ASPHD2: variants seen among roughly 807,000 people sequenced by gnomAD.
ASPHD2 encodes the protein aspartate beta-hydroxylase domain-containing protein 2.
Under a neutral mutation model 34.6 loss-of-function variants are expected in ASPHD2, and 12 were observed. That is an observed-to-expected ratio of 0.35 (90% CI 0.22 to 0.56). ASPHD2 has a LOEUF of 0.56. Among genes scored for constraint, ASPHD2 ranks in the 20% least tolerant of loss-of-function variants. ASPHD2 has a pLI of 0.87. For synonymous variants in ASPHD2, 224 were observed against 212.2 expected (o/e 1.06, Z -0.48); for missense variants, 375 against 505.0 (o/e 0.74, Z 2.47).
intron 2 of ASPHD2, among the ~76,000 whole-genome samples, chr22:26,438,610 T>TAC (rs1480681983): frequency 8.7e-4 from 41 of 46,986 alleles, no homozygotes; most frequent in South Asian, 2.4e-3. Flanking sequence ...CATATATACA[T>TAC]ATATATATAC....
chr22:26,436,841 CAT>C lies in ASPHD2; in HGVS notation c.886+2341_886+2342del, dbSNP rs764642195. On this transcript the variant is annotated intron_variant, in intron 2 of 3. Transcript: ENST00000215906. Reference sequence around the variant, plus strand: ...GTTGTTCATCTGTATGATATGCATGCATGTGTGTGTGTGTGTGTGTGTGTGTA... The same window carrying C: ...GTTGTTCATCTGTATGATATGCATGCGTGTGTGTGTGTGTGTGTGTGTGTA... Among the ~76,000 whole-genome samples the C allele has an allele frequency of 1.5e-3, 159 of 108,516 alleles. 1 individual carries two copies. Among genetic ancestry groups the C allele is most frequent in the Non-Finnish European group, 2.0e-3 (104 of 52,150 alleles). The allele number at this position is 108,516 out of a possible 152,430, so 71.2% of individuals were successfully genotyped here. A position where few individuals can be genotyped will look rare whatever the true frequency, so the allele number is the denominator to read the frequency against.
chr22:26,430,780 A>C (rs138954683), intron 1 of ASPHD2, among the ~76,000 whole-genome samples: 121 of 152,250 alleles, frequency 7.9e-4, no homozygotes, highest in Non-Finnish European at 1.6e-3. Context: ...AAAAGTCCTA[A>C]CTTGAGCTCT....
At chr22:26,442,701 C>T in intron 3 of ASPHD2, 129 bp downstream of exon 3, 1 of 647,812 alleles carries the variant, frequency 1.5e-6, no homozygotes, top group East Asian at 2.7e-5. Context: ...CCCCATAACA[C>T]ATATACACAC....
Position 26,442,516 on chromosome 22 carries a change from C to T in ASPHD2, c.944C>T (p.Ala315Val), listed in dbSNP as rs2084856588. 6.2e-7 allele frequency: 1 copy of T among 1,611,632 alleles called. No individual in the cohort carries two copies. Among genetic ancestry groups the T allele is most frequent in the Admixed American group, 1.7e-5 (1 of 59,638 alleles). The change falls in exon 3 of 4, where the codon GCA (alanine) becomes GTA (valine). Residue 315 changes from alanine to valine, a missense_variant. Ala to Val is a moderately conservative substitution (Grantham distance 64). Transcript: ENST00000215906. Reference sequence around the variant, plus strand: ...GTGGGGGGAGAGCCCCAGTGCTGGGCAGAAGGGCGCTGCCTTCTCTTTGAT... The same window carrying T: ...GTGGGGGGAGAGCCCCAGTGCTGGGTAGAAGGGCGCTGCCTTCTCTTTGAT... ...LVVGGEPQCW[A>V]EGRCLLFDDS...
In ASPHD2 at chr22:26,433,972, C is replaced by T. The variant is rs374382182; in HGVS notation, c.357C>T (p.Asn119=). ...QSPECVRCTH[N]EGLNQKLYHN... ...CTGAGTGCGTGCGCTGCACCCACAA[C>T]GAGGGCCTCAACCAGAAGCTGTACC... is the stretch of plus-strand genomic sequence containing the variant. The change falls in exon 2 of 4, where the codon AAC becomes AAT. Residue 119 remains asparagine, a synonymous_variant. Transcript: ENST00000215906. This position sits in a 1 kb window ranked among gnomAD's most constrained non-coding sequence, Gnocchi z 5.1. The T allele has an allele frequency of 2.4e-5, 38 of 1,613,264 alleles. No individual in the cohort carries two copies. Among genetic ancestry groups the T allele is most frequent in the East Asian group, 4.5e-5 (2 of 44,884 alleles).
chr22:26,442,391 C>T lies in ASPHD2; in HGVS notation c.887-68C>T, dbSNP rs998650794. ...CAAAAACTCTCAGTAAGGCAAATCA[C>T]CCCCTATCTCCTGGCCTTCCCTGAA... On this transcript the variant is annotated intron_variant, in intron 2 of 3. Transcript: ENST00000215906. 4 of 1,197,362 alleles carry T rather than the reference C, an allele frequency of 3.3e-6. No homozygotes were observed. In the Admixed American group the frequency reaches 6.9e-5, roughly 21 times the overall value. 74.2% of individuals were successfully genotyped at this position (1,197,362 alleles called of 1,614,324 possible). A position where few individuals can be genotyped will look rare whatever the true frequency, so the allele number is the denominator to read the frequency against.
rs759475606 is a variant in ASPHD2 at position 26,442,477 on chromosome 22, G to T, written c.905G>T (p.Gly302Val). 1 of 1,602,350 alleles carries T rather than the reference G, an allele frequency of 6.2e-7. No individual in the cohort carries two copies. ...CTACAAGGTCTGAAAACTCCAAATG[G>T]CTGTGAGCTGGTGGTGGGGGGAGAG... ...RCHLGLKTPN[G>V]CELVVGGEPQ... The change falls in exon 3 of 4, where the codon GGC becomes GTC. Residue 302 changes from glycine (G) to valine (V), a missense_variant. Gly to Val is a moderately radical substitution (Grantham distance 109). This residue lies in a region of ASPHD2 where 142 missense variants were observed against 217.9 expected (regional missense o/e 0.65). Transcript: ENST00000215906.
At chr22:26,432,008 C>G (rs2084759582) in intron 1 of ASPHD2, among the ~76,000 whole-genome samples, 1 of 152,156 alleles carries the variant, frequency 6.6e-6, no homozygotes. Context: ...CCAGCCTGAC[C>G]AACATGGAAA....
chr22:26,442,139 A>T (rs2084851168), intron 2 of ASPHD2, among the ~76,000 whole-genome samples: 1 of 151,314 alleles, frequency 6.6e-6, no homozygotes, highest in Non-Finnish European at 1.5e-5. Context: ...AAAGAAAAAA[A>T]GATGCAAAAG....
chr22:26,442,704 A>G (rs1440699896), intron 3 of ASPHD2, 132 bp downstream of exon 3: 4 of 644,838 alleles, frequency 6.2e-6, no homozygotes, highest in African/African-American at 5.5e-5. Context: ...CATAACACAT[A>G]TACACACACA....
chr22:26,435,499 G>A (rs926287530), intron 2 of ASPHD2, among the ~76,000 whole-genome samples: 32 of 152,164 alleles, frequency 2.1e-4, no homozygotes, highest in African/African-American at 7.5e-4. Context: ...AGCTTCAGTA[G>A]GGAGGAAGGA....
intron 2 of ASPHD2, among the ~76,000 whole-genome samples, chr22:26,439,599 T>C (rs541975141): frequency 6.6e-4 from 101 of 152,262 alleles, no homozygotes; most frequent in Admixed American, 1.6e-3. Flanking sequence ...ATCTGGAAAG[T>C]GGGTGAAGTG....
chr22:26,435,737 AAAGAAAAGAAAAGAAAAGAAAAG>A (rs1214585466), intron 2 of ASPHD2, among the ~76,000 whole-genome samples: 10 of 151,086 alleles, frequency 6.6e-5, no homozygotes, highest in African/African-American at 1.2e-4. Context: ...AAAGAAAAGA[AAAGAAAAGAAAAGAAAAGAAAAG>A]AAAAATATAA....
chr22:26,430,807 C>A (rs959761712), intron 1 of ASPHD2, among the ~76,000 whole-genome samples: 4 of 152,170 alleles, frequency 2.6e-5, no homozygotes, highest in Admixed American at 6.5e-5. Context: ...TATTTATGAT[C>A]TCGGGAGGAG....
At chr22:26,439,025 C>A (rs890497095) in intron 2 of ASPHD2, among the ~76,000 whole-genome samples, 8 of 152,160 alleles carry the variant, frequency 5.3e-5, no homozygotes, top group Non-Finnish European at 1.0e-4. Context: ...CATAGACACA[C>A]CCAGGATTAA....
chr22:26,440,788 G>A (rs925464051), intron 2 of ASPHD2, among the ~76,000 whole-genome samples: 1 of 151,644 alleles, frequency 6.6e-6, no homozygotes, highest in African/African-American at 2.4e-5. Flanking sequence ...AACCCAAGGA[G>A]GAGAACACTG....
intron 1 of ASPHD2, among the ~76,000 whole-genome samples, chr22:26,430,066 G>A (rs983247428): frequency 1.3e-5 from 2 of 152,190 alleles, no homozygotes; most frequent in Non-Finnish European, 2.9e-5. Context: ...GCAGGTGGGT[G>A]CTGAGAAGCT....
chr22:26,443,463 C>G lies in ASPHD2; in HGVS notation c.*257C>G. 1 of 430,428 alleles carries G rather than the reference C, an allele frequency of 2.3e-6. No individual in the cohort carries two copies. The highest frequency in any genetic ancestry group is 2.3e-5 in the South Asian group (1 of 42,570). The allele number at this position is 430,428 out of a possible 1,614,324, so 26.7% of individuals were successfully genotyped here. A position where few individuals can be genotyped will look rare whatever the true frequency, so the allele number is the denominator to read the frequency against. Reference sequence around the variant, plus strand: ...CTTCAGAGACTCCTTTCTGGCCTAACAGCGCATTCCTTTGATTGGTCCTTG... The same window carrying G: ...CTTCAGAGACTCCTTTCTGGCCTAAGAGCGCATTCCTTTGATTGGTCCTTG... On this transcript the variant is annotated 3_prime_UTR_variant, in exon 4 of 4. Transcript: ENST00000215906.
At chr22:26,437,399 T>G (rs114539770) in intron 2 of ASPHD2, among the ~76,000 whole-genome samples, 1,945 of 152,332 alleles carry the variant, frequency 0.013, 39 homozygotes, top group African/African-American at 0.043. Context: ...GAGACATATT[T>G]GCTGAGCCCT....
Sources: allele counts gnomAD v4.1 joint callset (sites outside exome capture counted in the v4.1 genomes callset), GRCh38; gene constraint gnomAD v4.1.1; regional missense constraint gnomAD v4.1.1; non-coding constraint Gnocchi (gnomAD v3.1); transcripts MANE v1.5; gene names NCBI Gene and HGNC (gene_info 2026-07-23, HGNC 2026-07-21).